The following KIF6 variants were observed in gnomAD, a reference collection of about 807,000 sequenced individuals.
KIF6 encodes kinesin family member 6.
Under a neutral mutation model 112.7 loss-of-function variants are expected in KIF6, and 106 were observed. That is an observed-to-expected ratio of 0.94 (90% CI 0.80 to 1.11). The LOEUF is 1.11. Ranked by LOEUF, KIF6 falls within the 50% of genes least tolerant of loss-of-function variation. The probability of loss-of-function intolerance (pLI) is 0.00; values close to 1 mark genes in which losing one functional copy is unlikely to be tolerated. For missense variants in KIF6, 929 were observed against 964.0 expected (o/e 0.96, Z 0.48); for synonymous variants, 339 against 339.9 (o/e 1.00, Z 0.03).
intron 19 of KIF6, among the ~76,000 whole-genome samples, chr6:39,355,073 C>T (rs1381068350): frequency 6.6e-6 from 1 of 152,128 alleles, no homozygotes; most frequent in African/African-American, 2.4e-5. Context: ...GTAATCCCAA[C>T]TACTCAGGAG....
intron 13 of KIF6, among the ~76,000 whole-genome samples, chr6:39,478,821 T>G (rs1442213371): frequency 1.3e-5 from 2 of 152,082 alleles, no homozygotes; most frequent in African/African-American, 4.8e-5. Context: ...GGTATTGCAT[T>G]GTGGTTTGAT....
At chr6:39,482,006 G>GCACACACCA (rs1280871023) in intron 13 of KIF6, among the ~76,000 whole-genome samples, 1 of 141,134 alleles carries the variant, frequency 7.1e-6, no homozygotes, top group African/African-American at 2.6e-5. Context: ...GGACCTTTAG[G>GCACACACCA]CACACACACA....
chr6:39,441,312 C>T (rs542045216), intron 13 of KIF6, among the ~76,000 whole-genome samples: 13 of 152,352 alleles, frequency 8.5e-5, no homozygotes, highest in African/African-American at 3.1e-4. Flanking sequence ...TTCCAGATTA[C>T]TAACCAATTA....
chr6:39,656,314 T>C (rs1470195084), intron 3 of KIF6, among the ~76,000 whole-genome samples: 2 of 152,168 alleles, frequency 1.3e-5, no homozygotes, highest in Non-Finnish European at 2.9e-5. Context: ...TACCTACCTA[T>C]ACTCTAGACT....
chr6:39,408,312 A>T (rs1769229345), intron 15 of KIF6, among the ~76,000 whole-genome samples: 1 of 152,204 alleles, frequency 6.6e-6, no homozygotes, highest in African/African-American at 2.4e-5. Context: ...GCAACTGGGG[A>T]GTAGTCATGA....
intron 15 of KIF6, among the ~76,000 whole-genome samples, chr6:39,387,565 C>G (rs978117012): frequency 6.6e-6 from 1 of 152,060 alleles, no homozygotes; most frequent in African/African-American, 2.4e-5. Context: ...GTGGGAACTT[C>G]AGGAGTGTGC....
chr6:39,346,797 A>G (rs1363596290), intron 19 of KIF6, among the ~76,000 whole-genome samples: 11 of 152,122 alleles, frequency 7.2e-5, no homozygotes, highest in Admixed American at 7.2e-4. Flanking sequence ...ACAAGCATGC[A>G]TCACAACACC....
intron 19 of KIF6, among the ~76,000 whole-genome samples, chr6:39,348,630 C>A (rs942890685): frequency 6.6e-6 from 1 of 152,132 alleles, no homozygotes; most frequent in Non-Finnish European, 1.5e-5. Flanking sequence ...AACATACCAG[C>A]CATCAGAATG....
chr6:39,578,489 C>T (rs936784578), intron 9 of KIF6, among the ~76,000 whole-genome samples: 5 of 151,880 alleles, frequency 3.3e-5, no homozygotes, highest in African/African-American at 1.2e-4. Context: ...CTACCATGCC[C>T]GGCTAATCTT....
intron 7 of KIF6, among the ~76,000 whole-genome samples, chr6:39,592,606 C>T (rs779255265): frequency 5.3e-5 from 8 of 152,152 alleles, no homozygotes; most frequent in East Asian, 1.9e-4. Context: ...TGGGTCACAC[C>T]GGGAGCACTC....
At chr6:39,353,897 A>G in intron 19 of KIF6, 1 of 564,714 alleles carries the variant, frequency 1.8e-6, no homozygotes, top group Admixed American at 2.1e-5. Flanking sequence ...CCTACTGCTA[A>G]GTGGAGCTAA....
intron 10 of KIF6, among the ~76,000 whole-genome samples, chr6:39,574,196 T>C (rs1488169990): frequency 6.6e-6 from 1 of 152,208 alleles, no homozygotes; most frequent in East Asian, 1.9e-4. Flanking sequence ...GAAAAATTCA[T>C]TTATGGAATA....
chr6:39,350,561 C>G (rs527481606), intron 19 of KIF6, among the ~76,000 whole-genome samples: 1 of 152,228 alleles, frequency 6.6e-6, no homozygotes, highest in Non-Finnish European at 1.5e-5. Flanking sequence ...ATATTATTGC[C>G]GTCAGAGGAG....
At chr6:39,442,520 A>G (rs1771980970) in intron 13 of KIF6, among the ~76,000 whole-genome samples, 1 of 152,212 alleles carries the variant, frequency 6.6e-6, no homozygotes, top group Admixed American at 6.5e-5. Flanking sequence ...CGCCTGGGTC[A>G]TGGTGGCATT....
At chr6:39,456,425 T>A in intron 13 of KIF6, among the ~76,000 whole-genome samples, 2 of 40,036 alleles carry the variant, frequency 5.0e-5, no homozygotes, top group Non-Finnish European at 4.5e-5. Flanking sequence ...CATGCCAAAA[T>A]GTAAAGACCA....
At chr6:39,613,051 A>G (rs1783300973) in intron 6 of KIF6, 138 bp downstream of exon 6, 2 of 563,550 alleles carry the variant, frequency 3.5e-6, no homozygotes, top group Middle Eastern at 5.4e-4. Flanking sequence ...CTTTATCTGC[A>G]TGTGAGGTTT....
intron 13 of KIF6, among the ~76,000 whole-genome samples, chr6:39,491,912 T>C (rs1775501813): frequency 6.6e-6 from 1 of 152,160 alleles, no homozygotes; most frequent in African/African-American, 2.4e-5. Context: ...CTATCTGGCT[T>C]CTCTTAGCTG....
rs777172094 is a variant in KIF6 at position 39,431,122 on chromosome 6, A to G, written c.1685T>C (p.Phe562Ser). The change falls in exon 14 of 23, where the codon TTT (phenylalanine) becomes TCT (serine). Residue 562 changes from phenylalanine (F) to serine (S), a missense_variant. By Grantham distance (155) the Phe-to-Ser change is radical. Transcript: ENST00000287152. The part of the protein sequence containing the change: ...EEMSLGCQEA[F>S]EIFKRDHADS... ...AGCGTGGTCCCTCTTGAAGATTTCA[A>G]AAGCCTCCTGGCATCCTAATGACAT... The G allele has an allele frequency of 1.9e-5, 30 of 1,613,138 alleles. No individual in the cohort carries two copies. The South Asian group carries it at 2.9e-4, about 15-fold the overall frequency.
chr6:39,576,062 T>C (rs1007427792), intron 10 of KIF6, among the ~76,000 whole-genome samples: 4 of 152,186 alleles, frequency 2.6e-5, no homozygotes, highest in African/African-American at 9.7e-5. Context: ...ATATTCAAAA[T>C]CTTACCCTTA....
Sources: gnomAD v4.1 joint callset for allele counts (sites outside exome capture counted in the v4.1 genomes callset) on GRCh38, gnomAD v4.1.1 for gene constraint, MANE v1.5 for transcripts, NCBI Gene and HGNC (gene_info 2026-07-23, HGNC 2026-07-21) for gene names.